Variants in SUSD3 observed in about 807,000 individuals in gnomAD.
SUSD3 encodes sushi domain containing 3.
SUSD3 carries 18 observed loss-of-function variants against 20.6 expected under a neutral mutation model. The ratio of observed to expected loss-of-function variants is 0.87; its 90% CI spans 0.60 to 1.30. The LOEUF is 1.30. SUSD3 is among the 50% of genes most tolerant of loss of function. The pLI is 0.00. For synonymous variants in SUSD3, 137 were observed against 141.5 expected, an observed-to-expected ratio of 0.97 and a Z score of 0.23; for missense variants, 306 against 346.9, an observed-to-expected ratio of 0.88 and a Z score of 0.94.
chr9:93,073,033 C>T (rs1004963386), intron 1 of SUSD3, among the ~76,000 whole-genome samples: 3 of 151,930 alleles, frequency 2.0e-5, no homozygotes, highest in Admixed American at 6.6e-5. Context: ...AGAGGAAGGT[C>T]GTAGCAGGTC....
chr9:93,071,035 A>G (rs1350341571), intron 1 of SUSD3, among the ~76,000 whole-genome samples: 1 of 152,220 alleles, frequency 6.6e-6, no homozygotes, highest in African/African-American at 2.4e-5. Flanking sequence ...TAACAAATCC[A>G]CAAGAAAACA....
intron 1 of SUSD3, among the ~76,000 whole-genome samples, chr9:93,071,351 G>C (rs541690449): frequency 1.2e-4 from 18 of 152,370 alleles, no homozygotes; most frequent in African/African-American, 3.8e-4. Flanking sequence ...AGGCCCGACA[G>C]CCGTTGGCAA....
intron 1 of SUSD3, among the ~76,000 whole-genome samples, chr9:93,064,325 C>T (rs144377376): frequency 1.1e-4 from 16 of 152,318 alleles, no homozygotes; most frequent in Non-Finnish European, 2.2e-4. Context: ...GGAGTACAGG[C>T]GTGAGCCACC....
At position 93,060,481 on chromosome 9, in the gene SUSD3, A is replaced by G. The variant is rs118084299; in HGVS notation, c.88+1651A>G. 2.9e-3 allele frequency among the ~76,000 whole-genome samples: 434 copies of G among 152,184 alleles called. 22 individuals carry two copies. The East Asian group carries it at 0.066, about 23-fold the overall frequency. Reference sequence around the variant, plus strand: ...GTGACCTCAGTTTCTTGCTCTGTGAAATGTGCTGTGAAGTTAGAGGCTGGG... The same window carrying G: ...GTGACCTCAGTTTCTTGCTCTGTGAGATGTGCTGTGAAGTTAGAGGCTGGG... On this transcript the variant is annotated intron_variant, in intron 1 of 4. Transcript: ENST00000375472.
intron 1 of SUSD3, 48 bp from the exon 2 acceptor site, chr9:93,075,736 G>GGGGGGC: frequency 7.3e-6 from 2 of 272,216 alleles, no homozygotes. Context: ...TGCCCTGCGT[G>GGGGGGC]CCCACCCCCC....
rs1326884007 is a variant in SUSD3 at position 93,084,981 on chromosome 9, T to C, written c.*234T>C. ...CTGGCCGTAACGATTTTTATAGTTA[T>C]GGACTACTTGAAACCACTACTGAGG... On this transcript the variant is annotated 3_prime_UTR_variant, in exon 5 of 5. Transcript: ENST00000375472. The C allele has an allele frequency of 1.5e-5, 6 of 407,306 alleles. No homozygotes were observed. Among genetic ancestry groups the C allele is most frequent in the Non-Finnish European group, 2.2e-5 (5 of 231,388 alleles). The allele number at this position is 407,306 out of a possible 1,614,324, so 25.2% of individuals were successfully genotyped here. A position where few individuals can be genotyped will look rare whatever the true frequency, so the allele number is the denominator to read the frequency against.
At chr9:93,065,622 G>A (rs1429496410) in intron 1 of SUSD3, among the ~76,000 whole-genome samples, 1 of 152,228 alleles carries the variant, frequency 6.6e-6, no homozygotes, top group Admixed American at 6.5e-5. Context: ...GCCCGTGGCT[G>A]CCCTGCTGTG....
chr9:93,071,331 C>T (rs1365373263), intron 1 of SUSD3, among the ~76,000 whole-genome samples: 1 of 152,220 alleles, frequency 6.6e-6, no homozygotes, highest in Non-Finnish European at 1.5e-5. Flanking sequence ...AGCCTTCAGT[C>T]TGTGGCAGAA....
intron 4 of SUSD3, among the ~76,000 whole-genome samples, chr9:93,080,270 G>A (rs1240251724): frequency 6.9e-6 from 1 of 144,338 alleles, no homozygotes; most frequent in Non-Finnish European, 1.5e-5. Context: ...AGTGAGCCAA[G>A]GTTGTGCCAC....
intron 1 of SUSD3, among the ~76,000 whole-genome samples, chr9:93,074,718 G>C (rs566685235): frequency 3.5e-4 from 51 of 145,670 alleles, no homozygotes; most frequent in African/African-American, 1.3e-3. Flanking sequence ...TGGTTCAATC[G>C]ATTCTCCTGC....
chr9:93,058,980 C>T (rs1825394733), intron 1 of SUSD3, 150 bp downstream of exon 1: 1 of 458,116 alleles, frequency 2.2e-6, no homozygotes, highest in Middle Eastern at 5.9e-4. Context: ...CGACCCTCCG[C>T]CGGCCCAGCA....
chr9:93,076,078 C>A (rs1182275710), intron 2 of SUSD3, 106 bp downstream of exon 2: 3 of 969,102 alleles, frequency 3.1e-6, no homozygotes, highest in African/African-American at 1.7e-5. Context: ...TACTCACAAG[C>A]AGCTAGGCCA....
chr9:93,068,946 T>A (rs1393407515), intron 1 of SUSD3, among the ~76,000 whole-genome samples: 1 of 152,196 alleles, frequency 6.6e-6, no homozygotes, highest in East Asian at 1.9e-4. Context: ...AGATTAATGA[T>A]AACCAGTAAT....
At chr9:93,058,860 G>C in intron 1 of SUSD3, 30 bp downstream of exon 1, 1 of 1,219,436 alleles carries the variant, frequency 8.2e-7, no homozygotes, top group Non-Finnish European at 1.0e-6. Flanking sequence ...GGCCGCGTGC[G>C]GGGCTCTGCG....
At chr9:93,070,957 A>G (rs1825887731) in intron 1 of SUSD3, among the ~76,000 whole-genome samples, 1 of 152,176 alleles carries the variant, frequency 6.6e-6, no homozygotes, top group African/African-American at 2.4e-5. Context: ...CAGAATCCCA[A>G]GCGCTAAATA....
rs550652138 is a variant in SUSD3, at chr9:93,073,525, G to C, written c.89-2259G>C. On this transcript the variant is annotated intron_variant, in intron 1 of 4. Transcript: ENST00000375472. ...GGCCTCCCAAAGTGCTGGGATTACA[G>C]GCGTGAGCCACCGTGCCCGTCCTGT... 1.6e-3 allele frequency among the ~76,000 whole-genome samples: 241 copies of C among 152,300 alleles called. 2 individuals carry two copies. The highest frequency in any genetic ancestry group is 5.5e-3 in the African/African-American group (230 of 41,564).
chr9:93,060,525 G>T (rs1587891615), intron 1 of SUSD3, among the ~76,000 whole-genome samples: 1 of 152,246 alleles, frequency 6.6e-6, no homozygotes, highest in African/African-American at 2.4e-5. Flanking sequence ...AGCCTTTGGA[G>T]AGGATTTGAC....
At chr9:93,083,099 C>T (rs572247492) in intron 4 of SUSD3, among the ~76,000 whole-genome samples, 18 of 152,210 alleles carry the variant, frequency 1.2e-4, no homozygotes, top group Non-Finnish European at 2.5e-4. Context: ...GAGGGAGGCA[C>T]CCTGACAGGG....
In SUSD3 at chr9:93,079,538, CTCAAGCACT is replaced by C. The variant is rs762880598; in HGVS notation, c.498_506del (p.Lys166_Phe168del). 6.2e-7 allele frequency: 1 copy of C among 1,614,180 alleles called. No homozygotes were observed. Among genetic ancestry groups the C allele is most frequent in the Non-Finnish European group, 8.5e-7 (1 of 1,180,020 alleles). ...GACGGTGCAGGCCGCATACCTTGGC[CTCAAGCACT>C]TCAACAAACCCGTGAGCGGGCCCAG... On this transcript the variant is annotated inframe_deletion, in exon 4 of 5. Coordinates refer to ENST00000375472, the MANE Select transcript of SUSD3 (RefSeq NM_145006.4).
Sources: gnomAD v4.1 joint callset for allele counts (sites outside exome capture counted in the v4.1 genomes callset) on GRCh38, gnomAD v4.1.1 for gene constraint, MANE v1.5 for transcripts, NCBI Gene and HGNC (gene_info 2026-07-23, HGNC 2026-07-21) for gene names.